The following PPFIA2 variants were observed in gnomAD, a reference collection of about 807,000 sequenced individuals.
The protein encoded by PPFIA2 is PPFI scaffold protein A2, also known as liprin-alpha-2.
Under a neutral mutation model 175.5 loss-of-function variants are expected in PPFIA2, and 46 were observed. The observed-to-expected ratio is 0.26, with a 90% CI of 0.21 to 0.34. The LOEUF (loss-of-function observed/expected upper bound fraction) is 0.34. PPFIA2 is among the 10% of genes least tolerant of loss of function. The pLI is 1.00. For synonymous variants in PPFIA2, 568 were observed against 511.4 expected (o/e 1.11, Z -1.49); for missense variants, 1,179 against 1,506.1 (o/e 0.78, Z 3.60).
At chr12:81,350,156 T>C (rs189082336) in intron 17 of PPFIA2, among the ~76,000 whole-genome samples, 150 of 152,056 alleles carry the variant, frequency 9.9e-4, no homozygotes, top group African/African-American at 3.4e-3. Context: ...ATCTCTTTGG[T>C]GCAAATAAAT....
chr12:81,688,682 T>A (rs1245766224), intron 3 of PPFIA2, among the ~76,000 whole-genome samples: 2 of 150,940 alleles, frequency 1.3e-5, no homozygotes, highest in Non-Finnish European at 3.0e-5. Context: ...TTCCAACTGT[T>A]AATAACTGCA....
chr12:81,488,337 C>T (rs2059065089), intron 4 of PPFIA2, among the ~76,000 whole-genome samples: 1 of 151,416 alleles, frequency 6.6e-6, no homozygotes, highest in Non-Finnish European at 1.5e-5. Context: ...TTTCACCTGA[C>T]ATTTTGCCAT....
chr12:81,536,745 C>CATATATAT (rs3075445), intron 4 of PPFIA2, among the ~76,000 whole-genome samples: 3,738 of 136,572 alleles, frequency 0.027, 80 homozygotes, highest in Non-Finnish European at 0.038. Flanking sequence ...TATACATAAA[C>CATATATAT]ATATATATAT....
At chr12:81,582,057 C>T (rs916195236) in intron 4 of PPFIA2, among the ~76,000 whole-genome samples, 4 of 151,678 alleles carry the variant, frequency 2.6e-5, no homozygotes, top group African/African-American at 7.3e-5. Flanking sequence ...TTTTGTAGTC[C>T]GCCTCATCTA....
chr12:81,598,189 GTTC>G (rs1474157794), intron 4 of PPFIA2: 5 of 1,360,838 alleles, frequency 3.7e-6, no homozygotes, highest in Non-Finnish European at 4.7e-6. Flanking sequence ...ATTTTGAATT[GTTC>G]TTCTACATTT....
chr12:81,752,737 A>G (rs2083998395), intron 3 of PPFIA2, among the ~76,000 whole-genome samples: 1 of 152,172 alleles, frequency 6.6e-6, no homozygotes, highest in African/African-American at 2.4e-5. Context: ...AGTTTTCAAT[A>G]TTTATAAAGA....
At chr12:81,440,833 T>TATATATAA (rs1229459148) in intron 6 of PPFIA2, among the ~76,000 whole-genome samples, 9 of 148,814 alleles carry the variant, frequency 6.0e-5, no homozygotes, top group African/African-American at 2.2e-4. Context: ...TATATATATA[T>TATATATAA]AAAACAATTC....
intron 4 of PPFIA2, among the ~76,000 whole-genome samples, chr12:81,611,059 G>T (rs2060850699): frequency 6.6e-6 from 1 of 152,112 alleles, no homozygotes; most frequent in Non-Finnish European, 1.5e-5. Flanking sequence ...CTGGCAGCTA[G>T]GCTGATACCT....
chr12:81,738,311 T>G (rs2081895293), intron 3 of PPFIA2, among the ~76,000 whole-genome samples: 1 of 151,868 alleles, frequency 6.6e-6, no homozygotes, highest in Non-Finnish European at 1.5e-5. Context: ...CTGAAAAACT[T>G]AAACCAGAAA....
At chr12:81,641,875 C>T (rs2065014121) in intron 4 of PPFIA2, among the ~76,000 whole-genome samples, 1 of 152,180 alleles carries the variant, frequency 6.6e-6, no homozygotes, top group Non-Finnish European at 1.5e-5. Flanking sequence ...TGTAGCTTAT[C>T]CATTCAGGAA....
chr12:81,457,899 T>C, intron 4 of PPFIA2, 33 bp from the exon 5 acceptor site: 1 of 1,420,224 alleles, frequency 7.0e-7, no homozygotes, highest in East Asian at 2.3e-5. Flanking sequence ...TGAAGAAATA[T>C]TCAAGATCTA....
chr12:81,747,438 G>T (rs1033490309), intron 3 of PPFIA2, among the ~76,000 whole-genome samples: 1 of 143,914 alleles, frequency 6.9e-6, no homozygotes, highest in Non-Finnish European at 1.6e-5. Context: ...GATAAAGATT[G>T]AAGAGAGTAA....
At chr12:81,306,297 T>G (rs1435227591) in intron 22 of PPFIA2, among the ~76,000 whole-genome samples, 1 of 152,146 alleles carries the variant, frequency 6.6e-6, no homozygotes, top group Admixed American at 6.6e-5. Context: ...TCAAATTGCT[T>G]GAGCTTGATT....
intron 4 of PPFIA2, among the ~76,000 whole-genome samples, chr12:81,530,627 T>A (rs907082286): frequency 6.6e-6 from 1 of 151,866 alleles, no homozygotes; most frequent in Non-Finnish European, 1.5e-5. Flanking sequence ...ATTCAACTCC[T>A]GCTCAGCCAC....
chr12:81,729,551 G>GC (rs1261838804), intron 3 of PPFIA2, among the ~76,000 whole-genome samples: 3 of 151,500 alleles, frequency 2.0e-5, no homozygotes, highest in African/African-American at 4.8e-5. Flanking sequence ...AAACAGAACA[G>GC]CCCCCCAAGG....
chr12:81,327,122 T>C (rs1430428171), intron 21 of PPFIA2, among the ~76,000 whole-genome samples: 2 of 152,126 alleles, frequency 1.3e-5, no homozygotes, highest in African/African-American at 4.8e-5. Flanking sequence ...CTTGGGAACA[T>C]TGATATAAAT....
intron 4 of PPFIA2, among the ~76,000 whole-genome samples, chr12:81,513,160 A>G (rs1194085078): frequency 1.3e-5 from 2 of 152,086 alleles, no homozygotes; most frequent in African/African-American, 2.4e-5. Context: ...GCTCAACATC[A>G]CTAATTATCA....
chr12:81,632,907 T>A (rs781173697), intron 4 of PPFIA2, among the ~76,000 whole-genome samples: 11 of 152,114 alleles, frequency 7.2e-5, no homozygotes, highest in Admixed American at 1.3e-4. Context: ...AGGGCTCTAG[T>A]GTAGTTCTCC....
At chr12:81,346,701 G>T (rs1000516378) in intron 18 of PPFIA2, among the ~76,000 whole-genome samples, 1 of 151,488 alleles carries the variant, frequency 6.6e-6, no homozygotes, top group African/African-American at 2.4e-5. Context: ...TTAGGAATTA[G>T]TAGCTGTTGT....
Sources: allele counts gnomAD v4.1 joint callset (sites outside exome capture counted in the v4.1 genomes callset), GRCh38; gene constraint gnomAD v4.1.1; transcripts MANE v1.5; gene names NCBI Gene and HGNC (gene_info 2026-07-23, HGNC 2026-07-21).